The following DCDC1 variants were observed in gnomAD, a reference collection of about 807,000 sequenced individuals.
The protein encoded by DCDC1 is doublecortin domain containing 1.
Under a neutral mutation model 178.3 loss-of-function variants are expected in DCDC1, and 200 were observed. That is an observed-to-expected ratio of 1.12 (90% CI 1.00 to 1.26). The LOEUF (loss-of-function observed/expected upper bound fraction) is 1.26, where lower values mean the gene tolerates loss of function less well. Among genes scored for constraint, DCDC1 ranks in the 50% most tolerant of loss-of-function variants. The probability of loss-of-function intolerance (pLI) is 0.00; values close to 1 mark genes in which losing one functional copy is unlikely to be tolerated. For synonymous variants in DCDC1, 690 were observed against 604.8 expected (o/e 1.14, Z -2.07); for missense variants, 1,983 against 1,749.2 (o/e 1.13, Z -2.38).
In DCDC1 at chr11:30,900,332, A is replaced by C; in HGVS notation, c.4663+14T>G. On this transcript the variant is annotated intron_variant, in intron 33 of 38. Transcript: ENST00000684477. ...ATATACTTGCTTGAAAGAAAGCAAA[A>C]ACAAAAAAGTTACCATTTGGAGGTA... 6.7e-7 allele frequency: 1 copy of C among 1,503,670 alleles called. No individual in the cohort carries two copies. Among genetic ancestry groups the C allele is most frequent in the Non-Finnish European group, 8.9e-7 (1 of 1,126,404 alleles). 93.1% of individuals were successfully genotyped at this position (1,503,670 alleles called of 1,614,324 possible).
intron 8 of DCDC1, among the ~76,000 whole-genome samples, chr11:31,256,656 T>C (rs1490676999): frequency 6.6e-6 from 1 of 152,184 alleles, no homozygotes; most frequent in Non-Finnish European, 1.5e-5. Flanking sequence ...GGTGTCTAGC[T>C]GCCTATATTG....
chr11:30,972,507 A>G (rs1949859743), intron 20 of DCDC1, among the ~76,000 whole-genome samples: 1 of 152,170 alleles, frequency 6.6e-6, no homozygotes, highest in Non-Finnish European at 1.5e-5. Flanking sequence ...ATCTACCATC[A>G]TGAAAACATA....
At chr11:31,132,816 G>C (rs1415229079) in intron 10 of DCDC1, among the ~76,000 whole-genome samples, 1 of 152,200 alleles carries the variant, frequency 6.6e-6, no homozygotes. Flanking sequence ...TGGAAATGCA[G>C]CACGGAAGTG....
chr11:31,260,423 T>C (rs1944705090), intron 8 of DCDC1, among the ~76,000 whole-genome samples: 1 of 152,242 alleles, frequency 6.6e-6, no homozygotes. Flanking sequence ...CTGTACTTAA[T>C]CTAATTTCAG....
chr11:31,145,321 T>A (rs963612137), intron 9 of DCDC1, among the ~76,000 whole-genome samples: 1 of 152,042 alleles, frequency 6.6e-6, no homozygotes, highest in Non-Finnish European at 1.5e-5. Context: ...GATGATGGAG[T>A]CCATACCAGA....
chr11:31,239,109 A>G (rs1029490564), intron 9 of DCDC1, among the ~76,000 whole-genome samples: 3 of 152,090 alleles, frequency 2.0e-5, no homozygotes, highest in African/African-American at 7.2e-5. Flanking sequence ...AAAGTGAAAT[A>G]AATTGAAATA....
intron 17 of DCDC1, among the ~76,000 whole-genome samples, chr11:31,081,945 AGT>A (rs1168559294): frequency 2.0e-5 from 3 of 152,228 alleles, no homozygotes; most frequent in African/African-American, 7.2e-5. Flanking sequence ...TACACACAAA[AGT>A]GTATCTGCCT....
intron 9 of DCDC1, among the ~76,000 whole-genome samples, chr11:31,156,223 C>A (rs1396366773): frequency 6.6e-6 from 1 of 152,166 alleles, no homozygotes; most frequent in African/African-American, 2.4e-5. Flanking sequence ...AAATACAGAT[C>A]TACTAATGAG....
chr11:31,098,577 T>A (rs1469760869), intron 15 of DCDC1, among the ~76,000 whole-genome samples: 3 of 152,212 alleles, frequency 2.0e-5, no homozygotes, highest in Admixed American at 6.5e-5. Context: ...AACATATGCA[T>A]CAAGAATATC....
chr11:31,015,137 C>T (rs896587366), intron 20 of DCDC1, among the ~76,000 whole-genome samples: 45 of 151,744 alleles, frequency 3.0e-4, no homozygotes, highest in Admixed American at 2.5e-3. Context: ...TTAGTAGAGA[C>T]GGGGGTTTCA....
At chr11:31,060,641 T>A (rs571827316) in intron 20 of DCDC1, among the ~76,000 whole-genome samples, 73 of 152,272 alleles carry the variant, frequency 4.8e-4, no homozygotes, top group South Asian at 2.1e-3. Flanking sequence ...GTATCAAGTG[T>A]CTACATTTAA....
chr11:31,271,484 A>C (rs2137168740), intron 7 of DCDC1, among the ~76,000 whole-genome samples: 1 of 152,274 alleles, frequency 6.6e-6, no homozygotes, highest in South Asian at 2.1e-4. Flanking sequence ...TTACAGCTAA[A>C]TGTCTTAGAT....
chr11:31,085,601 A>G (rs560335112), intron 17 of DCDC1, among the ~76,000 whole-genome samples: 1 of 151,974 alleles, frequency 6.6e-6, no homozygotes, highest in Non-Finnish European at 1.5e-5. Flanking sequence ...TGGGTATTCT[A>G]TTGTATAGAT....
chr11:31,250,385 T>TACACACACACACACACACACACACAC (rs10640581), intron 8 of DCDC1, among the ~76,000 whole-genome samples: 9 of 92,782 alleles, frequency 9.7e-5, no homozygotes, highest in East Asian at 8.0e-4. Context: ...AGTGAATGAA[T>TACACACACACACACACACACACACAC]ACACACACAC....
At chr11:31,236,138 T>C (rs1976429550) in intron 9 of DCDC1, among the ~76,000 whole-genome samples, 1 of 151,854 alleles carries the variant, frequency 6.6e-6, no homozygotes, top group African/African-American at 2.4e-5. Context: ...GATAAATATG[T>C]CATGGATAAA....
At chr11:30,935,539 T>C (rs866540448) in intron 21 of DCDC1, among the ~76,000 whole-genome samples, 1 of 151,668 alleles carries the variant, frequency 6.6e-6, no homozygotes, top group Middle Eastern at 3.4e-3. Flanking sequence ...AACTAGCCCA[T>C]GTTTTCTGTT....
intron 11 of DCDC1, among the ~76,000 whole-genome samples, chr11:31,124,167 A>C (rs1364043517): frequency 6.6e-6 from 1 of 152,058 alleles, no homozygotes; most frequent in Non-Finnish European, 1.5e-5. Flanking sequence ...TGTCATAAAT[A>C]GGTCTTATTA....
At chr11:31,213,100 CCTCTCTCTCTCTCTCTCTCT>C (rs71060480) in intron 9 of DCDC1, among the ~76,000 whole-genome samples, 1,795 of 44,270 alleles carry the variant, frequency 0.041, 63 homozygotes, top group Middle Eastern at 0.15. Flanking sequence ...TAAAGCCCAG[CCTCTCTCTCTCTCTCTCTCT>C]CTCTCTCTCT....
chr11:30,881,112 C>T, intron 37 of DCDC1, 46 bp downstream of exon 37: 3 of 1,602,996 alleles, frequency 1.9e-6, no homozygotes, highest in Non-Finnish European at 2.6e-6. Flanking sequence ...AGATTGAATG[C>T]TTTAATTCTT....
Sources: allele counts gnomAD v4.1 joint callset (sites outside exome capture counted in the v4.1 genomes callset), GRCh38; gene constraint gnomAD v4.1.1; transcripts MANE v1.5; gene names NCBI Gene and HGNC (gene_info 2026-07-23, HGNC 2026-07-21).